Variants in UPF3A observed in about 807,000 individuals in gnomAD.
The protein encoded by UPF3A is regulator of nonsense transcripts 3A.
Under a neutral mutation model 53.5 loss-of-function variants are expected in UPF3A, and 42 were observed. The ratio of observed to expected loss-of-function variants is 0.78; its 90% CI spans 0.61 to 1.01. The LOEUF is 1.01. UPF3A is among the 50% of genes least tolerant of loss of function. The pLI is 0.00. For synonymous variants in UPF3A, 237 were observed against 225.3 expected (o/e 1.05, Z -0.47); for missense variants, 575 against 598.0 (o/e 0.96, Z 0.40).
chr13:114,292,606 G>A lies in UPF3A; in HGVS notation c.846+814G>A, dbSNP rs553553001. Among the ~76,000 whole-genome samples, 137 of 147,226 alleles carry A rather than the reference G, an allele frequency of 9.3e-4. 1 individual carries two copies. The highest frequency in any genetic ancestry group is 3.3e-3 in the African/African-American group (131 of 39,870). ...GCAGGTGTGTTACGTGTTCATTTTCGGTTCAAGGCGTACACGTGCAGGTGT... is the reference window on the plus strand; with the variant it reads ...GCAGGTGTGTTACGTGTTCATTTTCAGTTCAAGGCGTACACGTGCAGGTGT... On this transcript the variant is annotated intron_variant, in intron 7 of 9. Coordinates refer to ENST00000375299, the MANE Select transcript of UPF3A (RefSeq NM_023011.4).
rs534152405 is a variant in UPF3A at position 114,291,925 on chromosome 13, A to C, written c.846+133A>C. Reference sequence around the variant, plus strand: ...TAATATTGTGTTGTTATTTTTTTCCATCTTTTCCATCTTTCTTTCCATCCT... The same window carrying C: ...TAATATTGTGTTGTTATTTTTTTCCCTCTTTTCCATCTTTCTTTCCATCCT... On this transcript the variant is annotated intron_variant, in intron 7 of 9. Coordinates refer to ENST00000375299, the MANE Select transcript of UPF3A (RefSeq NM_023011.4). The C allele has an allele frequency of 2.8e-4, 335 of 1,192,180 alleles. 2 individuals carry two copies. The highest frequency in any genetic ancestry group is 2.4e-3 in the Middle Eastern group (8 of 3,398). The allele number at this position is 1,192,180 out of a possible 1,614,324, so 73.9% of individuals were successfully genotyped here. A position where few individuals can be genotyped will look rare whatever the true frequency, so the allele number is the denominator to read the frequency against.
At chr13:114,282,305 A>G (rs1328430321) in intron 2 of UPF3A, 178 bp downstream of exon 2, 2 of 850,724 alleles carry the variant, frequency 2.4e-6, no homozygotes, top group Non-Finnish European at 3.5e-6. Context: ...TACCACCAAC[A>G]AAGAAACACA....
At chr13:114,300,259 C>T (rs769724333) in intron 8 of UPF3A, among the ~76,000 whole-genome samples, 1 of 152,222 alleles carries the variant, frequency 6.6e-6, no homozygotes, top group Non-Finnish European at 1.5e-5. Flanking sequence ...TTACTCTGCA[C>T]ATCATGATGG....
At chr13:114,296,560 CAG>C (rs912312942) in intron 7 of UPF3A, among the ~76,000 whole-genome samples, 4 of 152,092 alleles carry the variant, frequency 2.6e-5, no homozygotes, top group Non-Finnish European at 5.9e-5. Context: ...ATCGAGAAAA[CAG>C]TGCCTTTCTG....
chr13:114,289,161 G>A (rs1016395129), intron 5 of UPF3A, among the ~76,000 whole-genome samples: 2 of 152,096 alleles, frequency 1.3e-5, no homozygotes, highest in African/African-American at 2.4e-5. Flanking sequence ...CCTGATGGGA[G>A]CGATTAATTC....
At chr13:114,296,786 C>T (rs1566761324) in intron 7 of UPF3A, among the ~76,000 whole-genome samples, 2 of 152,106 alleles carry the variant, frequency 1.3e-5, no homozygotes, top group African/African-American at 4.8e-5. Context: ...GAATGTGGAG[C>T]ACGCAGCTGG....
chr13:114,297,547 A>G (rs970457799), intron 7 of UPF3A, among the ~76,000 whole-genome samples: 2 of 152,152 alleles, frequency 1.3e-5, no homozygotes, highest in Non-Finnish European at 2.9e-5. Flanking sequence ...AATAATCACT[A>G]TTGGCCGGGC....
intron 8 of UPF3A, among the ~76,000 whole-genome samples, chr13:114,299,599 T>C (rs1310416103): frequency 2.0e-5 from 3 of 152,318 alleles, no homozygotes; most frequent in Non-Finnish European, 4.4e-5. Flanking sequence ...CATATGACAG[T>C]GCAGCTCTAT....
intron 7 of UPF3A, among the ~76,000 whole-genome samples, chr13:114,295,329 G>GCGGCTCTGGCCTGCTCCC (rs1566756561): frequency 5.4e-4 from 76 of 141,232 alleles, no homozygotes; most frequent in Middle Eastern, 4.0e-3. Flanking sequence ...CTCGTCTCCA[G>GCGGCTCTGGCCTGCTCCC]CAGCTCTGGC....
At chr13:114,290,771 T>A (rs1259652519) in intron 5 of UPF3A, among the ~76,000 whole-genome samples, 3 of 151,148 alleles carry the variant, frequency 2.0e-5, no homozygotes, top group East Asian at 3.9e-4. Flanking sequence ...TTCGCTGTTG[T>A]TGCCCAGGCT....
At chr13:114,284,889 G>A (rs1318408789) in intron 3 of UPF3A, among the ~76,000 whole-genome samples, 3 of 152,118 alleles carry the variant, frequency 2.0e-5, no homozygotes, top group African/African-American at 7.2e-5. Context: ...CTGAGCTCAA[G>A]CGATTCCCCC....
chr13:114,290,316 G>C (rs546304683), intron 5 of UPF3A, among the ~76,000 whole-genome samples: 28 of 152,184 alleles, frequency 1.8e-4, no homozygotes, highest in Non-Finnish European at 3.2e-4. Context: ...GGGGTTCTCA[G>C]TTCCAAGTGA....
chr13:114,297,961 C>T (rs2770288), intron 7 of UPF3A, among the ~76,000 whole-genome samples: 68,378 of 151,764 alleles, frequency 0.45, 18,667 homozygotes, highest in African/African-American at 0.76. Context: ...TGAGCCGAGA[C>T]TGCACCACTG....
chr13:114,296,564 G>A (rs557329556), intron 7 of UPF3A, among the ~76,000 whole-genome samples: 1 of 152,088 alleles, frequency 6.6e-6, no homozygotes, highest in African/African-American at 2.4e-5. Context: ...AGAAAACAGT[G>A]CCTTTCTGAG....
At chr13:114,288,368 T>C (rs896459277) in intron 5 of UPF3A, among the ~76,000 whole-genome samples, 1 of 152,106 alleles carries the variant, frequency 6.6e-6, no homozygotes, top group African/African-American at 2.4e-5. Context: ...GTGGTGGAGC[T>C]GGAGCTGAGA....
chr13:114,300,232 T>C (rs769314974), intron 8 of UPF3A, among the ~76,000 whole-genome samples: 8 of 152,246 alleles, frequency 5.3e-5, no homozygotes, highest in Non-Finnish European at 1.2e-4. Context: ...TCTGCCATTA[T>C]TAAATGTCAG....
In UPF3A at chr13:114,286,393, C is replaced by G. The variant is rs773447969; in HGVS notation, c.513C>G (p.Ile171Met). The G allele has an allele frequency of 1.9e-6, 3 of 1,614,076 alleles. No homozygotes were observed. The highest frequency in any genetic ancestry group is 2.5e-6 in the Non-Finnish European group (3 of 1,180,052). The change falls in exon 4 of 10, where the codon ATC becomes ATG. Residue 171 changes from isoleucine (I) to methionine (M), a missense_variant. This residue lies in a region of UPF3A where 323 missense variants were observed against 415.2 expected (regional missense o/e 0.78). Coordinates refer to ENST00000375299, the MANE Select transcript of UPF3A (RefSeq NM_023011.4). The stretch of plus-strand genomic sequence containing the variant: ...AAAAAGATGCCAAGACTGGAAGCAT[C>G]GAAGATGGTGAGCCCTTTCCAAGTG... The part of the protein sequence containing the change: ...LRKKDAKTGS[I>M]EDDPEYKKFL...
At chr13:114,294,804 G>A (rs1418865384) in intron 7 of UPF3A, among the ~76,000 whole-genome samples, 3 of 151,534 alleles carry the variant, frequency 2.0e-5, no homozygotes, top group Admixed American at 6.6e-5. Flanking sequence ...CAGCCTGGGC[G>A]ACAGAGCGAG....
chr13:114,288,220 C>T (rs2084919193), intron 5 of UPF3A, among the ~76,000 whole-genome samples: 1 of 152,248 alleles, frequency 6.6e-6, no homozygotes, highest in South Asian at 2.1e-4. Context: ...CACAAGGCCT[C>T]TGCCTACCAT....
Sources: gnomAD v4.1 joint callset for allele counts (sites outside exome capture counted in the v4.1 genomes callset) on GRCh38, gnomAD v4.1.1 for gene constraint, gnomAD v4.1.1 regional missense constraint, MANE v1.5 for transcripts, NCBI Gene and HGNC (gene_info 2026-07-23, HGNC 2026-07-21) for gene names.